Variants in COG3 observed in about 807,000 individuals in gnomAD.
The protein encoded by COG3 is component of oligomeric golgi complex 3.
Under a neutral mutation model 114.1 loss-of-function variants are expected in COG3, and 32 were observed. The ratio of observed to expected loss-of-function variants is 0.28; its 90% CI spans 0.21 to 0.38. COG3 has a LOEUF of 0.38. COG3 is among the 10% of genes least tolerant of loss of function. The pLI is 1.00. For missense variants in COG3, 813 were observed against 973.2 expected, an observed-to-expected ratio of 0.84 and a Z score of 2.19; for synonymous variants, 352 against 365.7, an observed-to-expected ratio of 0.96 and a Z score of 0.43.
intron 19 of COG3, 136 bp downstream of exon 19, chr13:45,519,230 CTG>C (rs1566269592): frequency 2.1e-6 from 2 of 956,368 alleles, no homozygotes; most frequent in African/African-American, 1.7e-5. Flanking sequence ...TAGGAAATCA[CTG>C]TGTTTCCTAT....
At chr13:45,516,981 A>G (rs1871607364) in intron 17 of COG3, among the ~76,000 whole-genome samples, 1 of 152,174 alleles carries the variant, frequency 6.6e-6, no homozygotes, top group Non-Finnish European at 1.5e-5. Context: ...TGATTCATCC[A>G]TCCTAATGAT....
At chr13:45,515,127 A>G (rs1454573435) in intron 16 of COG3, among the ~76,000 whole-genome samples, 2 of 152,212 alleles carry the variant, frequency 1.3e-5, no homozygotes, top group Non-Finnish European at 2.9e-5. Context: ...ATATGATACA[A>G]TTTTTGGCAT....
In COG3 at chr13:45,524,969, C is replaced by A. The variant is rs199951031; in HGVS notation, c.2155-7C>A. 1 of 1,612,356 alleles carries A rather than the reference C, an allele frequency of 6.2e-7. No individual in the cohort carries two copies. Among genetic ancestry groups the A allele is most frequent in the South Asian group, 1.1e-5 (1 of 90,980 alleles). On this transcript the variant is annotated splice_polypyrimidine_tract_variant and splice_region_variant and intron_variant, in intron 19 of 22. Coordinates refer to ENST00000349995, the MANE Select transcript of COG3 (RefSeq NM_031431.4). Reference sequence around the variant, plus strand: ...GAAACTTTTTTTCTTTTTGTCTCCTCTATTAGGTTTCAGCGTTAAAAACAA... The same window carrying A: ...GAAACTTTTTTTCTTTTTGTCTCCTATATTAGGTTTCAGCGTTAAAAACAA...
intron 12 of COG3, 107 bp from the exon 13 acceptor site, chr13:45,496,045 C>A: frequency 1.9e-6 from 2 of 1,038,954 alleles, no homozygotes; most frequent in Non-Finnish European, 2.7e-6. Flanking sequence ...GCCTCTGAAG[C>A]AAAAGTGGTT....
intron 5 of COG3, among the ~76,000 whole-genome samples, 155 bp from the exon 6 acceptor site, chr13:45,482,226 G>A (rs781556017): frequency 1.1e-4 from 17 of 152,068 alleles, no homozygotes; most frequent in Admixed American, 3.9e-4. Flanking sequence ...TATTGTACAT[G>A]TGGGCTACAT....
rs772040389 is a variant in COG3 at position 45,465,162 on chromosome 13, G to A, written c.126G>A (p.Ser42=). 5.0e-6 allele frequency: 8 copies of A among 1,613,528 alleles called. No homozygotes were observed. Among genetic ancestry groups the A allele is most frequent in the South Asian group, 2.2e-5 (2 of 91,088 alleles). The change falls in exon 1 of 23, where the codon TCG becomes TCA. Residue 42 remains serine, a synonymous_variant. Transcript: ENST00000349995. ...TAPLTDRQTD[S]VLELKAAAEN... ...CGCTGACCGACAGGCAGACGGACTC[G>A]GTATTGGAGCTGAAGGCGGCGGCAG...
In COG3 at chr13:45,493,523, C is replaced by G. The variant is rs754983901; in HGVS notation, c.1327+37C>G. On this transcript the variant is annotated intron_variant, in intron 12 of 22. Transcript: ENST00000349995. ...GAAATGATCATTTTAAGTTATATCACTGGCTCAATGAATTTGAAAAAAAAA... is the reference window on the plus strand; with the variant it reads ...GAAATGATCATTTTAAGTTATATCAGTGGCTCAATGAATTTGAAAAAAAAA... 1.9e-6 allele frequency: 3 copies of G among 1,572,370 alleles called. No homozygotes were observed. The South Asian group carries it at 3.5e-5, about 18-fold the overall frequency.
chr13:45,502,620 T>C (rs1199997192), intron 13 of COG3, among the ~76,000 whole-genome samples: 1 of 152,184 alleles, frequency 6.6e-6, no homozygotes, highest in Non-Finnish European at 1.5e-5. Context: ...ATTCTCTGGC[T>C]ATTAATTTTT....
In COG3 at chr13:45,496,264, A is replaced by G; in HGVS notation, c.1440A>G (p.Lys480=). Residue 480 remains lysine, a synonymous_variant, in exon 13 of 23, where the codon AAA becomes AAG. Transcript: ENST00000349995. The part of the protein sequence containing the change: ...IYIQTDITGY[K]PAPGDLAYPD... Reference sequence around the variant, plus strand: ...TTCAGACGGACATCACGGGCTATAAACCAGCTCCTGGAGATCTGGCATATC... The same window carrying G: ...TTCAGACGGACATCACGGGCTATAAGCCAGCTCCTGGAGATCTGGCATATC... The G allele has an allele frequency of 6.2e-7, 1 of 1,610,672 alleles. No individual in the cohort carries two copies. Among genetic ancestry groups the G allele is most frequent in the Non-Finnish European group, 8.5e-7 (1 of 1,178,000 alleles).
At chr13:45,516,986 A>G (rs2137899046) in intron 17 of COG3, among the ~76,000 whole-genome samples, 1 of 152,218 alleles carries the variant, frequency 6.6e-6, no homozygotes, top group African/African-American at 2.4e-5. Context: ...CATCCATCCT[A>G]ATGATTTGTC....
intron 1 of COG3, among the ~76,000 whole-genome samples, chr13:45,471,252 A>G (rs7329200): frequency 1.3e-4 from 19 of 145,118 alleles, no homozygotes; most frequent in Admixed American, 2.1e-4. Flanking sequence ...GAAAAAAAAA[A>G]GAAAAAAAAA....
intron 8 of COG3, among the ~76,000 whole-genome samples, chr13:45,487,557 A>G (rs1182111607): frequency 6.6e-6 from 1 of 152,218 alleles, no homozygotes; most frequent in Non-Finnish European, 1.5e-5. Context: ...AAATAATCCC[A>G]TTAAAAAGTA....
Position 45,483,283 on chromosome 13 carries a change from T to C in COG3, c.771T>C (p.Ser257=). The C allele has an allele frequency of 6.3e-7, 1 of 1,585,428 alleles. No individual in the cohort carries two copies. Among genetic ancestry groups the C allele is most frequent in the Non-Finnish European group, 8.7e-7 (1 of 1,154,244 alleles). ...TGCTGAAGTTTAAACAGTGTCTTTC[T>C]AAAGCTTTGCACCTCATGAAGACAT... is the stretch of plus-strand genomic sequence containing the variant. ...IYLLKFKQCL[S]KALHLMKTYT... Residue 257 remains serine (S), a synonymous_variant, in exon 7 of 23, where the codon TCT becomes TCC. Transcript: ENST00000349995.
Position 45,526,553 on chromosome 13 carries a change from T to A in COG3, c.2230+1502T>A, listed in dbSNP as rs759325703. On this transcript the variant is annotated intron_variant, in intron 20 of 22. Transcript: ENST00000349995. ...AGGTTCCTCAGGTGAACTTTGATGA[T>A]GTCAATATAGGTTTGAGTTCATTTG... is the stretch of plus-strand genomic sequence containing the variant. Among the ~76,000 whole-genome samples the A allele has an allele frequency of 1.1e-4, 17 of 152,240 alleles. No homozygotes were observed. In the South Asian group the frequency reaches 2.5e-3, roughly 22 times the overall value.
At chr13:45,466,235 C>T (rs899063932) in intron 1 of COG3, among the ~76,000 whole-genome samples, 2 of 152,126 alleles carry the variant, frequency 1.3e-5, no homozygotes, top group African/African-American at 4.8e-5. Flanking sequence ...GATGGGGTTT[C>T]GCCCTGTTGT....
chr13:45,526,106 T>TTTTTTA, intron 20 of COG3, among the ~76,000 whole-genome samples: 1 of 126,316 alleles, frequency 7.9e-6, no homozygotes, highest in Non-Finnish European at 1.6e-5. Context: ...TTTTTTTTTT[T>TTTTTTA]GAGATGGAGT....
intron 13 of COG3, among the ~76,000 whole-genome samples, chr13:45,498,298 CAAT>C (rs1365749035): frequency 2.7e-5 from 4 of 148,474 alleles, no homozygotes; most frequent in African/African-American, 4.9e-5. Flanking sequence ...AACATTAATT[CAAT>C]AATATTATTT....
At chr13:45,467,306 C>T (rs981493180) in intron 1 of COG3, among the ~76,000 whole-genome samples, 1 of 152,144 alleles carries the variant, frequency 6.6e-6, no homozygotes, top group East Asian at 1.9e-4. Flanking sequence ...AATGCAATAG[C>T]TGAGGCCAGG....
chr13:45,489,102 G>C (rs915487376), intron 8 of COG3, among the ~76,000 whole-genome samples: 2 of 147,124 alleles, frequency 1.4e-5, no homozygotes, highest in African/African-American at 5.1e-5. Context: ...TGGGAGGACT[G>C]CTTGAACCCA....
Sources: gnomAD v4.1 joint callset for allele counts (sites outside exome capture counted in the v4.1 genomes callset) on GRCh38, gnomAD v4.1.1 for gene constraint, MANE v1.5 for transcripts, NCBI Gene and HGNC (gene_info 2026-07-23, HGNC 2026-07-21) for gene names.